The following SUSD4 variants were observed in gnomAD, a reference collection of about 807,000 sequenced individuals.
SUSD4 encodes the protein sushi domain-containing protein 4.
SUSD4 carries 41 observed loss-of-function variants against 50.5 expected under a neutral mutation model. The ratio of observed to expected loss-of-function variants is 0.81; its 90% CI spans 0.63 to 1.05. SUSD4 has a LOEUF of 1.05. SUSD4 is among the 50% of genes least tolerant of loss of function. The pLI is 0.00. For missense variants in SUSD4, 580 were observed against 634.7 expected, an observed-to-expected ratio of 0.91 and a Z score of 0.93; for synonymous variants, 257 against 257.3, an observed-to-expected ratio of 1.00 and a Z score of 0.01.
chr1:223,229,593 GTGCCGTTGTGAC>G lies in SUSD4; in HGVS notation c.725-217_725-206del. 1 of 517,078 alleles carries G rather than the reference GTGCCGTTGTGAC, an allele frequency of 1.9e-6. No individual in the cohort carries two copies. The highest frequency in any genetic ancestry group is 3.4e-6 in the Non-Finnish European group (1 of 296,344). 32.0% of individuals were successfully genotyped at this position (517,078 alleles called of 1,614,324 possible). A position where few individuals can be genotyped will look rare whatever the true frequency, so the allele number is the denominator to read the frequency against. On this transcript the variant is annotated intron_variant, in intron 5 of 8. Coordinates refer to ENST00000366878, the MANE Select transcript of SUSD4 (RefSeq NM_017982.4). This position sits in a 1 kb window ranked among gnomAD's most constrained non-coding sequence, Gnocchi z 4.7. ...AAGCCTGCTGTAATATTCTGAGCAC[GTGCCGTTGTGAC>G]ATGGCATTGTGAAGTACATCGTAAA... is the stretch of plus-strand genomic sequence containing the variant.
chr1:223,280,769 A>G (rs1338990979), intron 3 of SUSD4, among the ~76,000 whole-genome samples: 2 of 152,162 alleles, frequency 1.3e-5, no homozygotes, highest in Non-Finnish European at 2.9e-5. Flanking sequence ...TCCACCCCAA[A>G]TCAACAGAAT....
At chr1:223,325,140 T>C (rs1666799749) in intron 2 of SUSD4, among the ~76,000 whole-genome samples, 1 of 152,172 alleles carries the variant, frequency 6.6e-6, no homozygotes, top group Non-Finnish European at 1.5e-5. Context: ...TAGCTTGGCA[T>C]CAGTATCCCT....
At chr1:223,320,490 G>A (rs990706837) in intron 2 of SUSD4, among the ~76,000 whole-genome samples, 5 of 152,094 alleles carry the variant, frequency 3.3e-5, no homozygotes, top group African/African-American at 9.7e-5. Flanking sequence ...TCCGCTTCTC[G>A]GGGTGTTGCA....
chr1:223,259,331 G>C (rs1438796589), intron 5 of SUSD4, among the ~76,000 whole-genome samples: 3 of 152,138 alleles, frequency 2.0e-5, no homozygotes, highest in Non-Finnish European at 4.4e-5. Context: ...GTTGAAGGGA[G>C]GACTTCTGGA....
intron 8 of SUSD4, among the ~76,000 whole-genome samples, chr1:223,222,447 T>C (rs1350416938): frequency 6.6e-6 from 1 of 152,136 alleles, no homozygotes; most frequent in Non-Finnish European, 1.5e-5. Context: ...TTCCAGTTCA[T>C]AAAAAATAAA....
At chr1:223,259,727 C>A (rs1187595505) in intron 5 of SUSD4, among the ~76,000 whole-genome samples, 1 of 152,128 alleles carries the variant, frequency 6.6e-6, no homozygotes, top group Non-Finnish European at 1.5e-5. Context: ...GGATTCTGGG[C>A]AGTTAGTGCC....
At chr1:223,363,548 C>A in intron 1 of SUSD4, 88 bp from the exon 2 acceptor site, 3 of 1,346,184 alleles carry the variant, frequency 2.2e-6, no homozygotes, top group Non-Finnish European at 2.9e-6. Context: ...GACCCGGCGC[C>A]TCGGCTTCCC....
chr1:223,350,654 T>TAA (rs1343577403), intron 2 of SUSD4, among the ~76,000 whole-genome samples: 6 of 152,234 alleles, frequency 3.9e-5, no homozygotes, highest in Admixed American at 2.0e-4. Flanking sequence ...CAGTAGCAGG[T>TAA]CTTAGCTGTT....
At chr1:223,325,867 T>C (rs971112446) in intron 2 of SUSD4, among the ~76,000 whole-genome samples, 2 of 152,108 alleles carry the variant, frequency 1.3e-5, no homozygotes, top group African/African-American at 2.4e-5. Flanking sequence ...AAAGAAATCA[T>C]AGATAGCATA....
Position 223,332,480 on chromosome 1 carries a change from C to A in SUSD4, c.148+30798G>T, listed in dbSNP as rs2103274898. ...ATTTTCAGGCACTAGCATTACCTAA[C>A]ACCAGCTTTCCTAGTTCATTGCACA... On this transcript the variant is annotated intron_variant, in intron 2 of 8. Transcript: ENST00000366878. This position sits in a 1 kb window ranked among gnomAD's most constrained non-coding sequence, Gnocchi z 4.0. Among the ~76,000 whole-genome samples the A allele has an allele frequency of 6.6e-6, 1 of 152,344 alleles. No homozygotes were observed. Among genetic ancestry groups the A allele is most frequent in the East Asian group, 1.9e-4 (1 of 5,192 alleles).
At chr1:223,275,560 C>T (rs1663200230) in intron 3 of SUSD4, among the ~76,000 whole-genome samples, 2 of 152,182 alleles carry the variant, frequency 1.3e-5, no homozygotes, top group African/African-American at 4.8e-5. Flanking sequence ...ATGCTCTGCT[C>T]ATAGAGTGCA....
intron 5 of SUSD4, among the ~76,000 whole-genome samples, chr1:223,242,463 C>A (rs73122205): frequency 6.6e-6 from 1 of 152,238 alleles, no homozygotes; most frequent in South Asian, 2.1e-4. Flanking sequence ...TTGGAACAAC[C>A]CCAACTCCTC....
chr1:223,224,745 T>G (rs975603436), intron 7 of SUSD4, among the ~76,000 whole-genome samples: 17 of 152,146 alleles, frequency 1.1e-4, no homozygotes, highest in African/African-American at 4.1e-4. Context: ...ACTGCCTGAT[T>G]GGAGCCCGGG....
At chr1:223,291,511 G>A (rs1255473352) in intron 3 of SUSD4, among the ~76,000 whole-genome samples, 107 of 86,400 alleles carry the variant, frequency 1.2e-3, no homozygotes, top group African/African-American at 4.1e-3. Flanking sequence ...AAAAAAAAAA[G>A]CTTATTAAGT....
intron 5 of SUSD4, chr1:223,235,103 GA>G: frequency 1.9e-6 from 3 of 1,586,472 alleles, no homozygotes; most frequent in East Asian, 2.3e-5. Flanking sequence ...TCTTCCTCCT[GA>G]AAAAAAGAAG....
chr1:223,221,288 T>C lies in SUSD4; in HGVS notation c.*904A>G. On this transcript the variant is annotated 3_prime_UTR_variant, in exon 9 of 9. Coordinates refer to ENST00000366878, the MANE Select transcript of SUSD4 (RefSeq NM_017982.4). Reference sequence around the variant, plus strand: ...TTTGGGGCTGGGGGAACAATGACAATTGTCAACTAGAGAGAGGCTCATGAT... The same window carrying C: ...TTTGGGGCTGGGGGAACAATGACAACTGTCAACTAGAGAGAGGCTCATGAT... 7.6e-6 allele frequency: 3 copies of C among 395,204 alleles called. No homozygotes were observed. The highest frequency in any genetic ancestry group is 8.9e-6 in the Non-Finnish European group (2 of 224,422). 24.5% of individuals were successfully genotyped at this position (395,204 alleles called of 1,614,324 possible).
chr1:223,356,647 T>C (rs748844950), intron 2 of SUSD4, among the ~76,000 whole-genome samples: 39 of 152,152 alleles, frequency 2.6e-4, no homozygotes, highest in Non-Finnish European at 3.7e-4. Flanking sequence ...GTTGAGAAGA[T>C]AAGTTCAAAG....
chr1:223,250,822 G>C (rs146704906), intron 5 of SUSD4, among the ~76,000 whole-genome samples: 102 of 152,322 alleles, frequency 6.7e-4, no homozygotes, highest in Middle Eastern at 3.4e-3. Context: ...CTAGAGGCAA[G>C]GTTAGCTCAG....
chr1:223,244,523 G>A lies in SUSD4; in HGVS notation c.725-15135C>T, dbSNP rs556161487. Among the ~76,000 whole-genome samples, 5 of 152,304 alleles carry A rather than the reference G, an allele frequency of 3.3e-5. No individual in the cohort carries two copies. The South Asian group carries it at 1.0e-3, about 32-fold the overall frequency. Reference sequence around the variant, plus strand: ...CTGTGGATGGAACAGTCTCTATCAAGAGAGGGCAGGTCACGTGGGGATGTC... The same window carrying A: ...CTGTGGATGGAACAGTCTCTATCAAAAGAGGGCAGGTCACGTGGGGATGTC... On this transcript the variant is annotated intron_variant, in intron 5 of 8. Coordinates refer to ENST00000366878, the MANE Select transcript of SUSD4 (RefSeq NM_017982.4).
Sources: allele counts gnomAD v4.1 joint callset (sites outside exome capture counted in the v4.1 genomes callset), GRCh38; gene constraint gnomAD v4.1.1; non-coding constraint Gnocchi (gnomAD v3.1); transcripts MANE v1.5; gene names NCBI Gene and HGNC (gene_info 2026-07-23, HGNC 2026-07-21).